The following TFAP2D variants were observed in gnomAD, a reference collection of about 807,000 sequenced individuals.
The protein encoded by TFAP2D is transcription factor AP-2 delta.
TFAP2D carries 9 observed loss-of-function variants against 43.6 expected under a neutral mutation model. The observed-to-expected ratio is 0.21, with a 90% CI of 0.12 to 0.36. The LOEUF is 0.36. TFAP2D is among the 10% of genes least tolerant of loss of function. The pLI is 1.00. For synonymous variants in TFAP2D, 256 were observed against 224.9 expected (o/e 1.14, Z -1.24); for missense variants, 513 against 561.4 (o/e 0.91, Z 0.87).
intron 5 of TFAP2D, among the ~76,000 whole-genome samples, chr6:50,736,888 C>A (rs957946065): frequency 2.0e-5 from 3 of 152,138 alleles, no homozygotes; most frequent in African/African-American, 4.8e-5. Context: ...CGTTTGAATT[C>A]TCTTCTTAGT....
chr6:50,750,329 A>C (rs976403999), intron 6 of TFAP2D, among the ~76,000 whole-genome samples: 23 of 152,030 alleles, frequency 1.5e-4, no homozygotes, highest in Non-Finnish European at 1.5e-4. Flanking sequence ...AATTACTGTC[A>C]TATTATCCCT....
At position 50,751,279 on chromosome 6, in the gene TFAP2D, C is replaced by T. The variant is rs1769196448; in HGVS notation, c.1094C>T (p.Thr365Ile). 6.2e-7 allele frequency: 1 copy of T among 1,611,688 alleles called. No individual in the cohort carries two copies. Among genetic ancestry groups the T allele is most frequent in the South Asian group, 1.1e-5 (1 of 91,030 alleles). ...TCACCACTGGGATCCTCCAGACCCA[C>T]TCCAATTCTAGACCTTGACATCCAG... ...DRSPLGSSRP[T>I]PILDLDIQRH... The change falls in exon 7 of 8, where the codon ACT becomes ATT. Residue 365 changes from threonine (T) to isoleucine (I), a missense_variant. Thr to Ile is a moderately conservative substitution (Grantham distance 89). Transcript: ENST00000008391.
chr6:50,757,445 C>CTTATTCTATATATATATAATATATATAA (rs1561940190), intron 7 of TFAP2D, among the ~76,000 whole-genome samples: 5 of 76,248 alleles, frequency 6.6e-5, no homozygotes, highest in South Asian at 7.8e-4. Context: ...AATATATATA[C>CTTATTCTATATATATATAATATATATAA]TTATTCTATA....
At position 50,715,627 on chromosome 6, in the gene TFAP2D, C is replaced by A. The variant is rs1244306924; in HGVS notation, c.537+14C>A. ...GACGACTTGCAGGTAAATAAGCATG[C>A]AGCGAATTTGTCTGCTCCCTCCCCT... On this transcript the variant is annotated intron_variant, in intron 2 of 7. Transcript: ENST00000008391. The A allele has an allele frequency of 6.3e-7, 1 of 1,579,850 alleles. No homozygotes were observed. The highest frequency in any genetic ancestry group is 1.1e-5 in the South Asian group (1 of 88,392).
intron 7 of TFAP2D, among the ~76,000 whole-genome samples, chr6:50,764,016 C>T (rs760019610): frequency 6.6e-6 from 1 of 152,058 alleles, no homozygotes. Flanking sequence ...TTGAAAATAT[C>T]CCATTACAGA....
intron 7 of TFAP2D, among the ~76,000 whole-genome samples, chr6:50,754,850 T>C (rs1386947451): frequency 6.6e-6 from 1 of 151,968 alleles, no homozygotes; most frequent in Non-Finnish European, 1.5e-5. Flanking sequence ...GGTTTTTATA[T>C]AGTCTAGATA....
At chr6:50,750,400 C>G (rs914364884) in intron 6 of TFAP2D, among the ~76,000 whole-genome samples, 3 of 151,882 alleles carry the variant, frequency 2.0e-5, no homozygotes, top group African/African-American at 7.2e-5. Flanking sequence ...TTTGGCAATC[C>G]TTTACTTTTC....
intron 1 of TFAP2D, among the ~76,000 whole-genome samples, chr6:50,714,569 G>T (rs909719819): frequency 6.6e-6 from 1 of 152,144 alleles, no homozygotes; most frequent in Non-Finnish European, 1.5e-5. Flanking sequence ...CAAGTTGAAC[G>T]ATTTGCACAG....
chr6:50,736,849 T>C (rs1201114865), intron 5 of TFAP2D, among the ~76,000 whole-genome samples: 1 of 152,230 alleles, frequency 6.6e-6, no homozygotes, highest in Non-Finnish European at 1.5e-5. Context: ...TTATTCTCTC[T>C]TGCACATAGT....
chr6:50,769,475 C>A (rs892769219), intron 7 of TFAP2D, among the ~76,000 whole-genome samples: 4 of 152,208 alleles, frequency 2.6e-5, no homozygotes, highest in South Asian at 2.1e-4. Flanking sequence ...AACAAGAAAG[C>A]CCATCAGTCA....
At chr6:50,752,797 A>G (rs963991696) in intron 7 of TFAP2D, among the ~76,000 whole-genome samples, 1 of 151,916 alleles carries the variant, frequency 6.6e-6, no homozygotes, top group Non-Finnish European at 1.5e-5. Context: ...CCCAGATGCT[A>G]TGAGCAAAAG....
chr6:50,720,068 A>G (rs954290491), intron 3 of TFAP2D, among the ~76,000 whole-genome samples: 1 of 152,248 alleles, frequency 6.6e-6, no homozygotes, highest in Non-Finnish European at 1.5e-5. Context: ...ACACAAGGCA[A>G]GAGGGACCAG....
At chr6:50,754,891 A>AT (rs1162645000) in intron 7 of TFAP2D, among the ~76,000 whole-genome samples, 1 of 151,148 alleles carries the variant, frequency 6.6e-6, no homozygotes, top group Non-Finnish European at 1.5e-5. Flanking sequence ...TAATTTGCAA[A>AT]TTTTTTCCAT....
intron 3 of TFAP2D, among the ~76,000 whole-genome samples, chr6:50,723,528 C>G (rs911520442): frequency 6.6e-6 from 1 of 152,218 alleles, no homozygotes; most frequent in Non-Finnish European, 1.5e-5. Flanking sequence ...CTCTATGGTT[C>G]ATCCATTATG....
intron 3 of TFAP2D, among the ~76,000 whole-genome samples, chr6:50,721,811 G>A (rs1055920240): frequency 2.6e-5 from 4 of 152,082 alleles, no homozygotes; most frequent in African/African-American, 9.7e-5. Context: ...CTAAGTTCCC[G>A]GATTAATTTA....
chr6:50,737,535 C>A (rs1768980934), intron 5 of TFAP2D, among the ~76,000 whole-genome samples: 1 of 152,100 alleles, frequency 6.6e-6, no homozygotes, highest in African/African-American at 2.4e-5. Flanking sequence ...TAAAATACTT[C>A]CTTTTCACTC....
At chr6:50,750,171 T>C (rs1769181543) in intron 6 of TFAP2D, among the ~76,000 whole-genome samples, 1 of 151,970 alleles carries the variant, frequency 6.6e-6, no homozygotes, top group Admixed American at 6.6e-5. Context: ...ATGACACAAA[T>C]GCCTTGCAGC....
intron 2 of TFAP2D, among the ~76,000 whole-genome samples, chr6:50,718,356 C>G (rs1768660865): frequency 6.6e-6 from 1 of 152,102 alleles, no homozygotes; most frequent in Non-Finnish European, 1.5e-5. Flanking sequence ...AGGTTAACAC[C>G]CTTCAAGGCC....
chr6:50,729,897 G>A (rs1444639379), intron 5 of TFAP2D, among the ~76,000 whole-genome samples: 1 of 152,112 alleles, frequency 6.6e-6, no homozygotes, highest in Non-Finnish European at 1.5e-5. Flanking sequence ...ATTCCCAGAA[G>A]TTGTTTTATT....
Sources: gnomAD v4.1 joint callset for allele counts (sites outside exome capture counted in the v4.1 genomes callset) on GRCh38, gnomAD v4.1.1 for gene constraint, MANE v1.5 for transcripts, NCBI Gene and HGNC (gene_info 2026-07-23, HGNC 2026-07-21) for gene names.